Variants in SYBU observed in about 807,000 individuals in gnomAD.
SYBU encodes syntabulin, also known as GOLSYN A protein.
In SYBU, 21 loss-of-function variants were observed where a neutral mutation model predicts 35.9. That is an observed-to-expected ratio of 0.58 (90% CI 0.41 to 0.84). The LOEUF is 0.84. SYBU is among the 40% of genes least tolerant of loss of function. The probability of loss-of-function intolerance (pLI) is 0.00; values close to 1 mark genes in which losing one functional copy is unlikely to be tolerated. For missense variants in SYBU, 768 were observed against 848.2 expected (o/e 0.91, Z 1.17); for synonymous variants, 319 against 324.3 (o/e 0.98, Z 0.18).
intron 3 of SYBU, among the ~76,000 whole-genome samples, chr8:109,593,843 G>A (rs1824561599): frequency 6.6e-6 from 1 of 152,140 alleles, no homozygotes; most frequent in South Asian, 2.1e-4. Flanking sequence ...TTCCCCCACT[G>A]CCTTTCACCC....
At chr8:109,610,358 A>C (rs1367224797) in intron 3 of SYBU, among the ~76,000 whole-genome samples, 2 of 152,254 alleles carry the variant, frequency 1.3e-5, no homozygotes, top group African/African-American at 4.8e-5. Context: ...TCATCAAATG[A>C]ATGAATGAAA....
At chr8:109,633,795 G>A (rs188528827) in intron 2 of SYBU, among the ~76,000 whole-genome samples, 9 of 152,160 alleles carry the variant, frequency 5.9e-5, no homozygotes, top group East Asian at 1.9e-4. Flanking sequence ...GTGCAGTGGC[G>A]CAATCTTGGC....
Position 109,673,792 on chromosome 8 carries a change from G to A in SYBU, c.-129+6919C>T, listed in dbSNP as rs897345753. On this transcript the variant is annotated intron_variant, in intron 1 of 5. Transcript: ENST00000408889. ...AGGAAGCTAAGAACCTTGAAAAAAC[G>A]TTAGAGGAATTGCTAACTAGAATAA... Among the ~76,000 whole-genome samples, 6 of 152,234 alleles carry A rather than the reference G, an allele frequency of 3.9e-5. No individual in the cohort carries two copies. In the South Asian group the frequency reaches 6.2e-4, roughly 16 times the overall value.
At chr8:109,609,540 T>C (rs1222511470) in intron 3 of SYBU, among the ~76,000 whole-genome samples, 3 of 152,216 alleles carry the variant, frequency 2.0e-5, no homozygotes, top group South Asian at 2.1e-4. Context: ...CAAGAATATA[T>C]GAATATACAG....
intron 1 of SYBU, among the ~76,000 whole-genome samples, chr8:109,663,293 A>G (rs192341286): frequency 1.3e-5 from 2 of 151,448 alleles, no homozygotes. Flanking sequence ...AGATAGATAG[A>G]TAGATAGGTA....
chr8:109,676,067 AG>A (rs1158043015), intron 1 of SYBU, among the ~76,000 whole-genome samples: 1 of 152,244 alleles, frequency 6.6e-6, no homozygotes, highest in African/African-American at 2.4e-5. Context: ...GATGCAGAAA[AG>A]GCCTTCGATA....
At chr8:109,595,647 A>C (rs1271403178) in intron 3 of SYBU, among the ~76,000 whole-genome samples, 1 of 152,224 alleles carries the variant, frequency 6.6e-6, no homozygotes, top group Non-Finnish European at 1.5e-5. Flanking sequence ...AGGCACACTG[A>C]ACTAGCCAGG....
intron 2 of SYBU, among the ~76,000 whole-genome samples, chr8:109,621,539 T>TG (rs560535693): frequency 2.6e-5 from 4 of 152,092 alleles, no homozygotes; most frequent in Non-Finnish European, 5.9e-5. Context: ...TGGTGTGTGT[T>TG]GGGGGGGCAA....
intron 4 of SYBU, among the ~76,000 whole-genome samples, chr8:109,582,402 G>A (rs1479888584): frequency 6.6e-6 from 1 of 152,154 alleles, no homozygotes; most frequent in Non-Finnish European, 1.5e-5. Context: ...GAGATTCCAT[G>A]TTTGTCATGG....
intron 1 of SYBU, among the ~76,000 whole-genome samples, chr8:109,668,162 G>GGGGGAGAGAGAGAAA (rs368500494): frequency 0.019 from 1,975 of 101,524 alleles, 215 homozygotes; most frequent in African/African-American, 0.058. Context: ...GAGGGGGAGA[G>GGGGGAGAGAGAGAAA]GGGGAGAGAG....
At chr8:109,668,398 G>C (rs909444573) in intron 1 of SYBU, among the ~76,000 whole-genome samples, 6 of 152,142 alleles carry the variant, frequency 3.9e-5, no homozygotes, top group Admixed American at 3.3e-4. Flanking sequence ...AAATTGACCT[G>C]TTCTGATGCT....
At chr8:109,666,248 G>C (rs572904201) in intron 1 of SYBU, among the ~76,000 whole-genome samples, 1 of 152,252 alleles carries the variant, frequency 6.6e-6, no homozygotes, top group East Asian at 1.9e-4. Flanking sequence ...CTTTATTCCT[G>C]AGTTTCTGAA....
At chr8:109,581,223 G>A (rs1822994718) in intron 4 of SYBU, among the ~76,000 whole-genome samples, 1 of 152,156 alleles carries the variant, frequency 6.6e-6, no homozygotes, top group East Asian at 1.9e-4. Context: ...TTGATACATG[G>A]TAAGTGTTCC....
At chr8:109,580,373 C>T (rs1192169076) in intron 4 of SYBU, 1 of 204,364 alleles carries the variant, frequency 4.9e-6, no homozygotes, top group Non-Finnish European at 1.0e-5. Context: ...TGTTCTAGTC[C>T]ACCTGTTTCA....
intron 3 of SYBU, among the ~76,000 whole-genome samples, chr8:109,600,412 T>C (rs551640898): frequency 2.0e-5 from 3 of 152,250 alleles, no homozygotes; most frequent in South Asian, 4.1e-4. Flanking sequence ...GATACCAGCA[T>C]GCAAAAACCA....
chr8:109,652,648 T>C (rs16879869), intron 1 of SYBU, among the ~76,000 whole-genome samples: 18,826 of 152,212 alleles, frequency 0.12, 3,274 homozygotes, highest in African/African-American at 0.39. Context: ...ATGAAATTTT[T>C]TTTTGACAGG....
At chr8:109,622,061 T>C (rs1201885841) in intron 2 of SYBU, among the ~76,000 whole-genome samples, 1 of 152,146 alleles carries the variant, frequency 6.6e-6, no homozygotes, top group Non-Finnish European at 1.5e-5. Context: ...CCAGTTCAAA[T>C]GAAGATAACA....
At chr8:109,618,735 G>T (rs1294926084) in intron 3 of SYBU, 107 bp downstream of exon 3, 1 of 1,007,244 alleles carries the variant, frequency 9.9e-7, no homozygotes, top group Non-Finnish European at 1.5e-6. Context: ...TAGATGCTGG[G>T]TACGGTATTT....
chr8:109,670,802 T>C (rs1287038488), intron 1 of SYBU, among the ~76,000 whole-genome samples: 1 of 152,188 alleles, frequency 6.6e-6, no homozygotes, highest in African/African-American at 2.4e-5. Flanking sequence ...CCTTCATTTC[T>C]TCCATTTATA....
Sources: allele counts gnomAD v4.1 joint callset (sites outside exome capture counted in the v4.1 genomes callset), GRCh38; gene constraint gnomAD v4.1.1; transcripts MANE v1.5; gene names NCBI Gene and HGNC (gene_info 2026-07-23, HGNC 2026-07-21).